The following ZNF735 variants were observed in gnomAD, a reference collection of about 807,000 sequenced individuals.
The protein encoded by ZNF735 is putative zinc finger protein 735.
Under a neutral mutation model 13.4 loss-of-function variants are expected in ZNF735, and 11 were observed. That is an observed-to-expected ratio of 0.82 (90% CI 0.52 to 1.36). ZNF735 has a LOEUF of 1.36. Among genes scored for constraint, ZNF735 ranks in the 40% most tolerant of loss-of-function variants. The probability of loss-of-function intolerance (pLI) is 0.00; values close to 1 mark genes in which losing one functional copy is unlikely to be tolerated. For missense variants in ZNF735, 500 were observed against 484.6 expected (o/e 1.03, Z -0.30); for synonymous variants, 171 against 162.6 (o/e 1.05, Z -0.39).
exon 4 of ZNF735, chr7:64,219,855 C>G (rs1487317085): frequency 5.0e-6 from 8 of 1,613,754 alleles, no homozygotes; most frequent in Non-Finnish European, 5.1e-6. Flanking sequence ...GAGAGAAACC[C>G]TACGCATGTG....
At chr7:64,216,686 A>G (rs529866872) in intron 3 of ZNF735, among the ~76,000 whole-genome samples, 9 of 151,882 alleles carry the variant, frequency 5.9e-5, no homozygotes, top group African/African-American at 1.7e-4. Context: ...GCTCATCACA[A>G]CCTCAACTTC....
At chr7:64,208,319 G>A (rs1320383189) in intron 1 of ZNF735, among the ~76,000 whole-genome samples, 1 of 136,638 alleles carries the variant, frequency 7.3e-6, no homozygotes, top group Non-Finnish European at 1.5e-5. Flanking sequence ...GTGCAGTGGT[G>A]CAATCTCACC....
At chr7:64,216,354 T>C (rs572796182) in intron 3 of ZNF735, among the ~76,000 whole-genome samples, 1 of 152,094 alleles carries the variant, frequency 6.6e-6, no homozygotes. Flanking sequence ...AATTTTGATA[T>C]AGATTATATT....
chr7:64,208,253 T>C (rs989678123), intron 1 of ZNF735, among the ~76,000 whole-genome samples: 383 of 52,166 alleles, frequency 7.3e-3, no homozygotes, highest in East Asian at 0.057. Flanking sequence ...TGTTTTTTTT[T>C]TTTTTTTTTT....
At chr7:64,210,999 T>C (rs1237958735) in intron 1 of ZNF735, among the ~76,000 whole-genome samples, 2 of 152,210 alleles carry the variant, frequency 1.3e-5, no homozygotes, top group Admixed American at 6.5e-5. Context: ...AAGAGCAGTG[T>C]CCACTCTGCC....
chr7:64,220,242 T>G (rs1327360014), exon 4 of ZNF735: 2 of 1,612,536 alleles, frequency 1.2e-6, no homozygotes, highest in East Asian at 4.5e-5. Flanking sequence ...CAAGTCTTGC[T>G]AAACATAAGA....
chr7:64,217,375 T>C (rs186821421), intron 3 of ZNF735, among the ~76,000 whole-genome samples: 115 of 152,328 alleles, frequency 7.5e-4, no homozygotes, highest in Non-Finnish European at 1.1e-3. Flanking sequence ...TCTTTTTCAT[T>C]ATAAAAGTTT....
intron 1 of ZNF735, among the ~76,000 whole-genome samples, chr7:64,209,351 CT>C (rs11361388): frequency 0.41 from 58,700 of 143,294 alleles, 11,422 homozygotes; most frequent in East Asian, 0.48. Flanking sequence ...TTTTGTTGAA[CT>C]TTTTTTTTTT....
At chr7:64,214,422 G>C (rs1787395696) in intron 3 of ZNF735, among the ~76,000 whole-genome samples, 1 of 151,718 alleles carries the variant, frequency 6.6e-6, no homozygotes. Context: ...ATTGCTTTTG[G>C]GGACACACTA....
At position 64,219,197 on chromosome 7, in the gene ZNF735, G is replaced by A. The variant is rs1248083399; in HGVS notation, c.263-117G>A. 1.5e-5 allele frequency: 19 copies of A among 1,259,968 alleles called. No homozygotes were observed. In the East Asian group the frequency reaches 3.4e-4, roughly 23 times the overall value. 78.0% of individuals were successfully genotyped at this position (1,259,968 alleles called of 1,614,324 possible). ...TATCTATGAAGGAATTATGGCCTGT[G>A]GTATTTTGATATGCCATTTTGCTAA... On this transcript the variant is annotated intron_variant, in intron 3 of 3. Transcript: ENST00000429565.
intron 3 of ZNF735, among the ~76,000 whole-genome samples, chr7:64,217,943 AAAG>A (rs1437400301): frequency 6.6e-6 from 1 of 152,130 alleles, no homozygotes; most frequent in African/African-American, 2.4e-5. Flanking sequence ...TTCAAATTTT[AAAG>A]AATAACTAAA....
Position 64,219,549 on chromosome 7 carries a change from C to T in ZNF735, c.498C>T (p.Phe166=), listed in dbSNP as rs1329977028. Residue 166 remains phenylalanine, a synonymous_variant, in exon 4 of 4, where the codon TTC becomes TTT. Transcript: ENST00000429565. ...AGACTCATAAATGTGTCAAAGTCTTCAGTAAATTTTCAAATTCCAATAGAC... is the reference window on the plus strand; with the variant it reads ...AGACTCATAAATGTGTCAAAGTCTTTAGTAAATTTTCAAATTCCAATAGAC... 3.8e-6 allele frequency: 6 copies of T among 1,590,912 alleles called. No homozygotes were observed. The South Asian group carries it at 6.7e-5, about 18-fold the overall frequency.
intron 1 of ZNF735, among the ~76,000 whole-genome samples, chr7:64,211,869 A>AAAAAAAG (rs1787363856): frequency 8.5e-6 from 1 of 117,842 alleles, no homozygotes; most frequent in Non-Finnish European, 1.7e-5. Context: ...CCATCTCAAA[A>AAAAAAAG]AAAAAAGAAA....
intron 1 of ZNF735, among the ~76,000 whole-genome samples, chr7:64,209,242 A>C (rs933419178): frequency 3.5e-4 from 44 of 125,370 alleles, no homozygotes; most frequent in Admixed American, 3.2e-3. Context: ...TTTTTTTTTG[A>C]CTTTTTAGTC....
At chr7:64,215,947 G>C (rs1787415651) in intron 3 of ZNF735, among the ~76,000 whole-genome samples, 1 of 151,982 alleles carries the variant, frequency 6.6e-6, no homozygotes, top group Non-Finnish European at 1.5e-5. Flanking sequence ...AAATCATGAA[G>C]TATAATGCCT....
intron 3 of ZNF735, among the ~76,000 whole-genome samples, chr7:64,217,541 A>G (rs1405055579): frequency 1.3e-5 from 2 of 151,550 alleles, no homozygotes; most frequent in Non-Finnish European, 2.9e-5. Context: ...TTATAATTTT[A>G]TGTTGCTATT....
chr7:64,220,145 C>A (rs1787474934), exon 4 of ZNF735: 1 of 1,613,048 alleles, frequency 6.2e-7, no homozygotes, highest in African/African-American at 1.3e-5. Flanking sequence ...TTTAACTGCT[C>A]CTCAACTGTA....
chr7:64,220,064 C>G, exon 4 of ZNF735: 1 of 1,613,566 alleles, frequency 6.2e-7, no homozygotes, highest in Non-Finnish European at 8.5e-7. Context: ...AACTGCTCCT[C>G]GACTCTTAAG....
At chr7:64,214,309 T>TCG (rs1787394643) in intron 3 of ZNF735, among the ~76,000 whole-genome samples, 1 of 151,976 alleles carries the variant, frequency 6.6e-6, no homozygotes, top group South Asian at 2.1e-4. Context: ...TTAAATTCTC[T>TCG]AAGGATTCTA....
Sources: allele counts gnomAD v4.1 joint callset (sites outside exome capture counted in the v4.1 genomes callset), GRCh38; gene constraint gnomAD v4.1.1; transcripts MANE v1.5; gene names NCBI Gene and HGNC (gene_info 2026-07-23, HGNC 2026-07-21).